The following RGS22 variants were observed in gnomAD, a reference collection of about 807,000 sequenced individuals.
RGS22 encodes the protein regulator of G protein signaling 22.
In RGS22, 148 loss-of-function variants were observed where a neutral mutation model predicts 172.9. The observed-to-expected ratio is 0.86, with a 90% confidence interval of 0.75 to 0.98. The LOEUF (loss-of-function observed/expected upper bound fraction) is 0.98, where lower values mean the gene tolerates loss of function less well. Among genes scored for constraint, RGS22 ranks in the 50% least tolerant of loss-of-function variants. RGS22 has a pLI of 0.00. For missense variants in RGS22, 1,347 were observed against 1,440.8 expected (o/e 0.93, Z 1.05); for synonymous variants, 458 against 480.2 (o/e 0.95, Z 0.60).
intron 14 of RGS22, among the ~76,000 whole-genome samples, chr8:100,035,238 G>A (rs566032319): frequency 4.1e-4 from 62 of 151,926 alleles, no homozygotes; most frequent in Non-Finnish European, 6.6e-4. Flanking sequence ...CAGAATCTAC[G>A]AAGAGCTCAA....
At chr8:100,077,937 T>C (rs1295862794) in intron 4 of RGS22, among the ~76,000 whole-genome samples, 1 of 152,228 alleles carries the variant, frequency 6.6e-6, no homozygotes, top group Non-Finnish European at 1.5e-5. Flanking sequence ...GCTTTCTTGG[T>C]GAATTGACCC....
intron 3 of RGS22, chr8:100,091,918 C>T (rs1253381088): frequency 1.3e-5 from 2 of 152,152 alleles, no homozygotes; most frequent in East Asian, 3.8e-4. Flanking sequence ...GTTGCTCAGG[C>T]TTGTTCTTGG....
rs763377399 is a variant in RGS22, at chr8:100,047,437, C to T, written c.1823+26G>A. ...AAACGCTTAGTATTGCAGAAAAGCA[C>T]TTAACACACAAAAAGTTGCACCTAC... On this transcript the variant is annotated intron_variant, in intron 11 of 27. Transcript: ENST00000360863. 1.1e-5 allele frequency: 17 copies of T among 1,570,000 alleles called. No individual in the cohort carries two copies. The African/African-American group carries it at 2.3e-4, about 22-fold the overall frequency.
At chr8:100,065,953 T>C (rs1326598354) in intron 7 of RGS22, among the ~76,000 whole-genome samples, 4 of 152,130 alleles carry the variant, frequency 2.6e-5, no homozygotes, top group African/African-American at 9.7e-5. Context: ...TCATCAAACA[T>C]CACACAGCTA....
chr8:99,998,781 GCT>G (rs1255138340), intron 19 of RGS22, among the ~76,000 whole-genome samples: 1 of 152,150 alleles, frequency 6.6e-6, no homozygotes, highest in Non-Finnish European at 1.5e-5. Context: ...CTTCCAAGTA[GCT>G]GGGACTACTT....
chr8:100,095,472 C>T (rs950601196), intron 2 of RGS22, among the ~76,000 whole-genome samples: 1 of 152,212 alleles, frequency 6.6e-6, no homozygotes, highest in African/African-American at 2.4e-5. Flanking sequence ...CCATGAGCCA[C>T]CATGCTCAGC....
At chr8:100,050,664 C>A (rs1821182448) in intron 10 of RGS22, among the ~76,000 whole-genome samples, 1 of 152,174 alleles carries the variant, frequency 6.6e-6, no homozygotes, top group Non-Finnish European at 1.5e-5. Flanking sequence ...CAGGTCGTAT[C>A]TACAGTTACT....
At chr8:100,052,082 T>TAAAC (rs1563672581) in intron 10 of RGS22, among the ~76,000 whole-genome samples, 41 of 86,942 alleles carry the variant, frequency 4.7e-4, no homozygotes, top group Non-Finnish European at 7.0e-4. Context: ...TAAATGTTTA[T>TAAAC]ATATATTTAT....
rs943792519 is a variant in RGS22 at position 99,962,941 on chromosome 8, T to G, written c.3653A>C (p.Glu1218Ala). The change falls in exon 25 of 28, where the codon GAA (glutamate) becomes GCA (alanine). Residue 1218 changes from glutamate to alanine, a missense_variant. Glu to Ala is a moderately radical substitution (Grantham distance 107, BLOSUM62 -1). Transcript: ENST00000360863. Reference sequence around the variant, plus strand: ...GATCTTAAGAAGAATTCTCTCCTGTTCTAAGGCTTCTATATACTTTGAGTA... The same window carrying G: ...GATCTTAAGAAGAATTCTCTCCTGTGCTAAGGCTTCTATATACTTTGAGTA... ...WCYSKYIEAL[E>A]QERILLKIQE... 1.9e-6 allele frequency: 3 copies of G among 1,597,306 alleles called. No individual in the cohort carries two copies. Among genetic ancestry groups the G allele is most frequent in the South Asian group, 1.2e-5 (1 of 86,318 alleles).
At chr8:100,000,777 C>T (rs1814955786) in intron 18 of RGS22, among the ~76,000 whole-genome samples, 1 of 152,122 alleles carries the variant, frequency 6.6e-6, no homozygotes, top group African/African-American at 2.4e-5. Context: ...TAATGTGTCC[C>T]AGATTTGTAT....
intron 14 of RGS22, among the ~76,000 whole-genome samples, chr8:100,016,686 A>G (rs1315048916): frequency 6.6e-6 from 1 of 152,134 alleles, no homozygotes; most frequent in East Asian, 1.9e-4. Flanking sequence ...CTGAGGTAGG[A>G]GAATGGCGTG....
chr8:100,025,003 T>TATAA (rs71572051), intron 14 of RGS22, among the ~76,000 whole-genome samples: 82,567 of 147,164 alleles, frequency 0.56, 23,377 homozygotes, highest in Non-Finnish European at 0.59. Context: ...AAAGAGGATC[T>TATAA]ATAAATAAAT....
chr8:99,982,060 A>G lies in RGS22; in HGVS notation c.3237T>C (p.Ile1079=). 2 of 1,613,906 alleles carry G rather than the reference A, an allele frequency of 1.2e-6. No homozygotes were observed. Among genetic ancestry groups the G allele is most frequent in the Non-Finnish European group, 1.7e-6 (2 of 1,179,840 alleles). ...ESVIQKKITT[I]INCFINSSIP... ...TACTGGAATTAATAAAGCAGTTGAT[A>G]ATAGTTGTAATCTTCTTCTGGATGA... The change falls in exon 22 of 28, where the codon ATT becomes ATC. Residue 1079 remains isoleucine, a synonymous_variant. Transcript: ENST00000360863.
At chr8:100,077,573 C>G (rs2075821296) in intron 4 of RGS22, among the ~76,000 whole-genome samples, 1 of 152,130 alleles carries the variant, frequency 6.6e-6, no homozygotes, top group Non-Finnish European at 1.5e-5. Flanking sequence ...CTGAAGTGGT[C>G]TGAGAACATA....
chr8:99,969,593 G>A (rs112810783), intron 23 of RGS22, among the ~76,000 whole-genome samples: 12,241 of 151,986 alleles, frequency 0.081, 740 homozygotes, highest in African/African-American at 0.16. Flanking sequence ...AGTCTCTGAT[G>A]AAACAGACTT....
At chr8:100,071,081 G>A (rs1444440230) in intron 6 of RGS22, among the ~76,000 whole-genome samples, 1 of 152,034 alleles carries the variant, frequency 6.6e-6, no homozygotes, top group Non-Finnish European at 1.5e-5. Context: ...CTAGGAGTTC[G>A]AGACCAGCCT....
At chr8:99,996,422 C>A in intron 20 of RGS22, 40 bp downstream of exon 20, 2 of 1,546,370 alleles carry the variant, frequency 1.3e-6, no homozygotes, top group Non-Finnish European at 1.8e-6. Flanking sequence ...TTTGACAGAG[C>A]AAAACTTACA....
intron 14 of RGS22, among the ~76,000 whole-genome samples, chr8:100,021,214 A>G (rs1204379614): frequency 6.6e-6 from 1 of 152,256 alleles, no homozygotes; most frequent in East Asian, 1.9e-4. Flanking sequence ...GAATATGCCA[A>G]TTTATAACAG....
chr8:100,101,761 T>C (rs1180155603), intron 2 of RGS22, among the ~76,000 whole-genome samples: 2 of 151,744 alleles, frequency 1.3e-5, no homozygotes, highest in Admixed American at 6.6e-5. Flanking sequence ...AGACCCCATG[T>C]TGAGGTTCAA....
Sources: gnomAD v4.1 joint callset for allele counts (sites outside exome capture counted in the v4.1 genomes callset) on GRCh38, gnomAD v4.1.1 for gene constraint, MANE v1.5 for transcripts, NCBI Gene and HGNC (gene_info 2026-07-23, HGNC 2026-07-21) for gene names.